The following PDLIM5 variants were observed in gnomAD, a reference collection of about 807,000 sequenced individuals.
PDLIM5 encodes the protein PDZ and LIM domain protein 5.
In PDLIM5, 34 loss-of-function variants were observed where a neutral mutation model predicts 64.2. The ratio of observed to expected loss-of-function variants is 0.53; its 90% CI spans 0.40 to 0.71. The LOEUF (loss-of-function observed/expected upper bound fraction) is 0.71. Among genes scored for constraint, PDLIM5 ranks in the 30% least tolerant of loss-of-function variants. PDLIM5 has a pLI of 0.00. For missense variants in PDLIM5, 683 were observed against 733.6 expected (o/e 0.93, Z 0.80); for synonymous variants, 253 against 269.1 (o/e 0.94, Z 0.59).
chr4:94,479,440 A>G (rs1578223839), intron 2 of PDLIM5, among the ~76,000 whole-genome samples: 1 of 147,020 alleles, frequency 6.8e-6, no homozygotes, highest in Non-Finnish European at 1.5e-5. Flanking sequence ...TAATCTTCCC[A>G]CTTCAGCCTC....
At chr4:94,488,130 T>C (rs1465127359) in intron 2 of PDLIM5, among the ~76,000 whole-genome samples, 1 of 152,228 alleles carries the variant, frequency 6.6e-6, no homozygotes, top group Admixed American at 6.5e-5. Flanking sequence ...CATTTGTTGT[T>C]GACACTGATG....
rs1251660348 is a variant in PDLIM5, at chr4:94,523,342, A to G, written c.97-382A>G. 4.6e-5 allele frequency among the ~76,000 whole-genome samples: 7 copies of G among 152,334 alleles called. No homozygotes were observed. In the East Asian group the frequency reaches 1.2e-3, roughly 25 times the overall value. On this transcript the variant is annotated intron_variant, in intron 2 of 12. Transcript: ENST00000317968. ...AAAAGAGTTTTAAAAAATTATTTCT[A>G]AAAGAGTATAAAAACCCCATTCAGA...
chr4:94,618,698 C>G (rs1031714302), intron 8 of PDLIM5, among the ~76,000 whole-genome samples: 2 of 151,234 alleles, frequency 1.3e-5, no homozygotes, highest in African/African-American at 4.9e-5. Flanking sequence ...TGCCTGGCCT[C>G]AGTTTGGAAA....
chr4:94,663,518 T>TA (rs1318937899), intron 12 of PDLIM5, among the ~76,000 whole-genome samples: 4 of 150,168 alleles, frequency 2.7e-5, no homozygotes, highest in Non-Finnish European at 4.4e-5. Context: ...AGGCAGCCCT[T>TA]AAAAAAAAAG....
chr4:94,568,152 C>T (rs1734499773), intron 3 of PDLIM5, among the ~76,000 whole-genome samples: 1 of 152,216 alleles, frequency 6.6e-6, no homozygotes, highest in Non-Finnish European at 1.5e-5. Flanking sequence ...AACACCTTAA[C>T]ATGATCTAAA....
chr4:94,455,162 C>T (rs753213874), intron 1 of PDLIM5, 85 bp from the exon 2 acceptor site: 4 of 598,424 alleles, frequency 6.7e-6, no homozygotes, highest in Non-Finnish European at 1.2e-5. Flanking sequence ...ATCCTCTCAC[C>T]CCCCTCAAAC....
chr4:94,457,982 T>G (rs1215694565), intron 2 of PDLIM5, among the ~76,000 whole-genome samples: 1 of 152,074 alleles, frequency 6.6e-6, no homozygotes, highest in African/African-American at 2.4e-5. Context: ...CTGGAGAGGA[T>G]TGGAAGGGGA....
chr4:94,565,355 T>G lies in PDLIM5; in HGVS notation c.249-7996T>G, dbSNP rs575502016. 2.6e-5 allele frequency among the ~76,000 whole-genome samples: 4 copies of G among 152,334 alleles called. No individual in the cohort carries two copies. In the South Asian group the frequency reaches 8.3e-4, roughly 32 times the overall value. The stretch of plus-strand genomic sequence containing the variant: ...TATATGCAGTTATATGAATGTGTAG[T>G]CAAAACAAAATTAGAAGGAACCATC... On this transcript the variant is annotated intron_variant, in intron 3 of 12. Coordinates refer to ENST00000317968, the MANE Select transcript of PDLIM5 (RefSeq NM_006457.5).
chr4:94,614,893 C>G (rs572244408), intron 7 of PDLIM5, among the ~76,000 whole-genome samples: 3 of 152,168 alleles, frequency 2.0e-5, no homozygotes, highest in Admixed American at 6.5e-5. Context: ...GGTCAATACC[C>G]TGCACCCAAG....
At chr4:94,506,779 G>A (rs987638020) in intron 2 of PDLIM5, among the ~76,000 whole-genome samples, 3 of 152,152 alleles carry the variant, frequency 2.0e-5, no homozygotes, top group African/African-American at 7.2e-5. Flanking sequence ...GTTTGTGAGG[G>A]TGTTGCCAGA....
rs372952362 is a variant in PDLIM5, at chr4:94,476,361, T to G, written c.96+20977T>G. On this transcript the variant is annotated intron_variant, in intron 2 of 12. Transcript: ENST00000317968. ...GTTAGTCCTTTTCTCTCGCTGTCTT[T>G]TTTTATAAATAGTAATTTATAACTA... Among the ~76,000 whole-genome samples the G allele has an allele frequency of 5.3e-5, 8 of 152,314 alleles. No homozygotes were observed. The East Asian group carries it at 9.6e-4, about 18-fold the overall frequency.
At chr4:94,645,340 AT>A in intron 9 of PDLIM5, among the ~76,000 whole-genome samples, 1 of 152,104 alleles carries the variant, frequency 6.6e-6, no homozygotes, top group Non-Finnish European at 1.5e-5. Context: ...CTAGTTCCAT[AT>A]TTTTGCAGTT....
At chr4:94,485,592 G>C (rs1318455656) in intron 2 of PDLIM5, among the ~76,000 whole-genome samples, 1 of 152,044 alleles carries the variant, frequency 6.6e-6, no homozygotes, top group Non-Finnish European at 1.5e-5. Flanking sequence ...GCCAGCATTT[G>C]GGAGGCCAAG....
chr4:94,639,662 C>G (rs1248049633), intron 8 of PDLIM5, among the ~76,000 whole-genome samples: 1 of 152,056 alleles, frequency 6.6e-6, no homozygotes, highest in Non-Finnish European at 1.5e-5. Flanking sequence ...TTGTTATCTT[C>G]AATACATTGG....
intron 8 of PDLIM5, among the ~76,000 whole-genome samples, chr4:94,626,860 A>G (rs549895597): frequency 2.0e-5 from 3 of 151,948 alleles, no homozygotes; most frequent in East Asian, 3.9e-4. Context: ...AGACTGAATG[A>G]TGTGCATCTC....
At chr4:94,552,428 C>T (rs866613007) in intron 3 of PDLIM5, among the ~76,000 whole-genome samples, 2 of 151,962 alleles carry the variant, frequency 1.3e-5, no homozygotes, top group East Asian at 1.9e-4. Flanking sequence ...TCAAAGCTTG[C>T]ATTATGAAAG....
chr4:94,552,929 T>C (rs1248865327), intron 3 of PDLIM5, among the ~76,000 whole-genome samples: 1 of 152,106 alleles, frequency 6.6e-6, no homozygotes, highest in East Asian at 1.9e-4. Flanking sequence ...TCTAGGTTGA[T>C]TAGTGCATCT....
chr4:94,582,317 A>G (rs1031398881), intron 5 of PDLIM5, among the ~76,000 whole-genome samples: 1 of 152,182 alleles, frequency 6.6e-6, no homozygotes, highest in African/African-American at 2.4e-5. Context: ...TGTTAAGAAC[A>G]TAATAAGAAT....
intron 2 of PDLIM5, among the ~76,000 whole-genome samples, chr4:94,498,218 A>G (rs957384878): frequency 6.6e-6 from 1 of 152,228 alleles, no homozygotes; most frequent in Non-Finnish European, 1.5e-5. Flanking sequence ...TTCAGTGGCT[A>G]AATTTAAAAT....
Sources: allele counts gnomAD v4.1 joint callset (sites outside exome capture counted in the v4.1 genomes callset), GRCh38; gene constraint gnomAD v4.1.1; transcripts MANE v1.5; gene names NCBI Gene and HGNC (gene_info 2026-07-23, HGNC 2026-07-21).